Variants in C1QTNF7 observed in about 807,000 individuals in gnomAD.
The protein encoded by C1QTNF7 is complement C1q tumor necrosis factor-related protein 7.
Under a neutral mutation model 19.6 loss-of-function variants are expected in C1QTNF7, and 15 were observed. The ratio of observed to expected loss-of-function variants is 0.76; its 90% CI spans 0.51 to 1.18. The LOEUF (loss-of-function observed/expected upper bound fraction) is 1.18, where lower values mean the gene tolerates loss of function less well. Ranked by LOEUF, C1QTNF7 falls within the 50% of genes most tolerant of loss-of-function variation. The pLI is 0.00. For synonymous variants in C1QTNF7, 142 were observed against 137.5 expected (o/e 1.03, Z -0.23); for missense variants, 324 against 359.7 (o/e 0.90, Z 0.80).
At chr4:15,376,679 G>C (rs982623983) in intron 1 of C1QTNF7, among the ~76,000 whole-genome samples, 1 of 152,212 alleles carries the variant, frequency 6.6e-6, no homozygotes, top group Non-Finnish European at 1.5e-5. Context: ...AAGTAAATGA[G>C]TGTTTTAATC....
intron 1 of C1QTNF7, among the ~76,000 whole-genome samples, chr4:15,371,786 G>T (rs1042781992): frequency 7.2e-5 from 11 of 152,296 alleles, no homozygotes; most frequent in South Asian, 2.1e-4. Flanking sequence ...TGGGAGGGAT[G>T]CAGGAAGAGA....
chr4:15,379,629 C>A (rs1455022250), intron 1 of C1QTNF7, among the ~76,000 whole-genome samples: 1 of 151,848 alleles, frequency 6.6e-6, no homozygotes, highest in African/African-American at 2.4e-5. Context: ...AAATAAGGGG[C>A]TTTTTTTTAA....
chr4:15,390,446 C>A (rs1424146553), intron 1 of C1QTNF7, among the ~76,000 whole-genome samples: 2 of 152,068 alleles, frequency 1.3e-5, no homozygotes, highest in Non-Finnish European at 2.9e-5. Context: ...AAAAACTGAC[C>A]ATGAAATCAG....
upstream of C1QTNF7, chr4:15,427,976 T>G: frequency 1.0e-6 from 1 of 957,948 alleles, no homozygotes; most frequent in Non-Finnish European, 1.2e-6. Flanking sequence ...CACAACTATT[T>G]GGAAATCTTT....
At chr4:15,369,940 A>G (rs1717660355) in intron 1 of C1QTNF7, among the ~76,000 whole-genome samples, 1 of 152,228 alleles carries the variant, frequency 6.6e-6, no homozygotes, top group Non-Finnish European at 1.5e-5. Context: ...TTAAAGTCTT[A>G]AAGAGCCATT....
At chr4:15,357,886 G>A (rs1260435794) in intron 1 of C1QTNF7, among the ~76,000 whole-genome samples, 1 of 152,054 alleles carries the variant, frequency 6.6e-6, no homozygotes, top group African/African-American at 2.4e-5. Context: ...CTCTCTGTTT[G>A]TCTATTATTG....
chr4:15,385,941 A>C (rs1718320585), intron 1 of C1QTNF7, among the ~76,000 whole-genome samples: 1 of 152,270 alleles, frequency 6.6e-6, no homozygotes, highest in Non-Finnish European at 1.5e-5. Context: ...ACGATAATAA[A>C]ATGAAATTAA....
chr4:15,409,222 T>C (rs746287664), intron 1 of C1QTNF7, among the ~76,000 whole-genome samples: 3 of 152,200 alleles, frequency 2.0e-5, no homozygotes, highest in Non-Finnish European at 4.4e-5. Flanking sequence ...GCTGAAATAT[T>C]ATTGACATAA....
intron 1 of C1QTNF7, among the ~76,000 whole-genome samples, chr4:15,417,882 G>A (rs1711521141): frequency 6.6e-6 from 1 of 152,072 alleles, no homozygotes; most frequent in Admixed American, 6.6e-5. Flanking sequence ...GGGAAGAGGT[G>A]CCACATACTT....
chr4:15,409,502 C>T (rs375407899), intron 1 of C1QTNF7, among the ~76,000 whole-genome samples: 74 of 152,374 alleles, frequency 4.9e-4, no homozygotes, highest in African/African-American at 1.7e-3. Context: ...CTTATTTTCA[C>T]TATTCATGCT....
rs138596757 is a variant in C1QTNF7 at position 15,435,821 on chromosome 4, G to A, written c.78G>A (p.Glu26=). ...CCCGGGGTAATCAGTTGAAAGGAGA[G>A]AACTACTCCCCCAGGTATATCTGCA... ...GQPRGNQLKG[E]NYSPRYICSI... Residue 26 remains glutamate, a synonymous_variant, in exon 2 of 3, where the codon GAG becomes GAA. Coordinates refer to ENST00000444304, the MANE Select transcript of C1QTNF7 (RefSeq NM_031911.5). 1 of 1,614,118 alleles carries A rather than the reference G, an allele frequency of 6.2e-7. No individual in the cohort carries two copies. The highest frequency in any genetic ancestry group is 8.5e-7 in the Non-Finnish European group (1 of 1,180,018).
intron 2 of C1QTNF7, among the ~76,000 whole-genome samples, chr4:15,439,341 T>C (rs866835097): frequency 6.6e-6 from 1 of 152,334 alleles, no homozygotes; most frequent in Middle Eastern, 3.4e-3. Context: ...CATTGTAAAA[T>C]TGCATCCCAG....
At chr4:15,363,077 C>A (rs1021037502) in intron 1 of C1QTNF7, among the ~76,000 whole-genome samples, 4 of 152,216 alleles carry the variant, frequency 2.6e-5, no homozygotes, top group Middle Eastern at 3.4e-3. Context: ...TCATTGATAA[C>A]ATGATAGGAT....
In C1QTNF7 at chr4:15,442,576, A is replaced by T. The variant is rs747622300; in HGVS notation, c.647A>T (p.Tyr216Phe). ...LAIGLVHNGQ[Y>F]RIKTFDANTG... Reference sequence around the variant, plus strand: ...ATCGGACTGGTACACAATGGGCAATACCGGATAAAGACCTTCGACGCCAAC... The same window carrying T: ...ATCGGACTGGTACACAATGGGCAATTCCGGATAAAGACCTTCGACGCCAAC... Residue 216 changes from tyrosine to phenylalanine, a missense_variant, in exon 3 of 3, where the codon TAC (tyrosine) becomes TTC (phenylalanine). Coordinates refer to ENST00000444304, the MANE Select transcript of C1QTNF7 (RefSeq NM_031911.5). 1 of 1,614,214 alleles carries T rather than the reference A, an allele frequency of 6.2e-7. No homozygotes were observed.
intron 1 of C1QTNF7, among the ~76,000 whole-genome samples, chr4:15,414,283 A>G (rs1038613261): frequency 7.9e-5 from 12 of 152,374 alleles, no homozygotes; most frequent in African/African-American, 2.2e-4. Context: ...ATCTGTGATC[A>G]TAACATAAAA....
intron 1 of C1QTNF7, among the ~76,000 whole-genome samples, chr4:15,353,168 G>T (rs1388104025): frequency 6.6e-6 from 1 of 152,120 alleles, no homozygotes. Flanking sequence ...CAATAAAAAG[G>T]TCTCAAATCT....
At chr4:15,390,678 C>A (rs2108898973) in intron 1 of C1QTNF7, among the ~76,000 whole-genome samples, 1 of 152,276 alleles carries the variant, frequency 6.6e-6, no homozygotes, top group African/African-American at 2.4e-5. Flanking sequence ...TGAATTACAG[C>A]TGGTCTCAGT....
At chr4:15,420,638 A>AGGTTTCAG (rs1711705375) in intron 1 of C1QTNF7, among the ~76,000 whole-genome samples, 1 of 152,112 alleles carries the variant, frequency 6.6e-6, no homozygotes, top group Admixed American at 6.6e-5. Flanking sequence ...GAGAACACTA[A>AGGTTTCAG]GGTTTCAGAG....
chr4:15,392,609 T>C lies in C1QTNF7; in HGVS notation c.14-43127T>C, dbSNP rs73799862. Among the ~76,000 whole-genome samples the C allele has an allele frequency of 9.9e-3, 1,505 of 152,294 alleles. 19 individuals are homozygous for C. Among genetic ancestry groups the C allele is most frequent in the African/African-American group, 0.035 (1,435 of 41,552 alleles). On this transcript the variant is annotated intron_variant, in intron 1 of 2. Transcript: ENST00000295297. ...ACAGCCCAACTTCCTCACTTCTCTT[T>C]GCGTGGAATGATGCCAAGCATCTCT...
Sources: gnomAD v4.1 joint callset for allele counts (sites outside exome capture counted in the v4.1 genomes callset) on GRCh38, gnomAD v4.1.1 for gene constraint, MANE v1.5 for transcripts, NCBI Gene and HGNC (gene_info 2026-07-23, HGNC 2026-07-21) for gene names.